CSK: variants seen among roughly 807,000 people sequenced by gnomAD.
CSK encodes the protein C-terminal Src kinase, also known as tyrosine-protein kinase CSK.
CSK carries 7 observed loss-of-function variants against 62.3 expected under a neutral mutation model. The observed-to-expected ratio is 0.11, with a 90% CI of 0.06 to 0.21. The LOEUF (loss-of-function observed/expected upper bound fraction) is 0.21, where lower values mean the gene tolerates loss of function less well. CSK is among the 10% of genes least tolerant of loss of function. The pLI is 1.00. For missense variants in CSK, 294 were observed against 613.5 expected, an observed-to-expected ratio of 0.48 and a Z score of 5.50; for synonymous variants, 237 against 246.0, an observed-to-expected ratio of 0.96 and a Z score of 0.34.
intron 1 of CSK, among the ~76,000 whole-genome samples, chr15:74,787,858 A>G (rs754380751): frequency 2.6e-5 from 4 of 152,196 alleles, no homozygotes; most frequent in Non-Finnish European, 5.9e-5. Flanking sequence ...CCTGGTCCTC[A>G]TGCAGACTCG....
intron 1 of CSK, among the ~76,000 whole-genome samples, chr15:74,786,055 T>C (rs2063517858): frequency 7.4e-6 from 1 of 135,704 alleles, no homozygotes; most frequent in Non-Finnish European, 1.6e-5. Flanking sequence ...GATGGAGTTT[T>C]GCTCTTGTTG....
chr15:74,788,965 C>T (rs2063570897), intron 1 of CSK, among the ~76,000 whole-genome samples: 1 of 152,152 alleles, frequency 6.6e-6, no homozygotes. Flanking sequence ...TAATTAGGCT[C>T]CTGAGCGGTA....
chr15:74,788,410 C>T (rs774987609), intron 1 of CSK: 5 of 152,384 alleles, frequency 3.3e-5, no homozygotes, highest in Admixed American at 6.5e-5. Context: ...ACTCTGAGCT[C>T]AAGTACCCAC....
rs367837559 is a variant in CSK at position 74,799,293 on chromosome 15, A to C, written c.264A>C (p.Thr88=). Residue 88 remains threonine (T), a synonymous_variant, in exon 5 of 13, where the codon ACA becomes ACC. Transcript: ENST00000220003. ...SLMPWFHGKI[T]REQAERLLYP... is the part of the protein sequence containing the mutation. The stretch of plus-strand genomic sequence containing the variant: ...CCAGTTGGTTCCACGGCAAGATCAC[A>C]CGGGAGCAGGCTGAGCGGCTTCTGT... The C allele has an allele frequency of 1.2e-4, 197 of 1,610,726 alleles. No individual in the cohort carries two copies. Among genetic ancestry groups the C allele is most frequent in the Admixed American group, 2.5e-4 (15 of 59,982 alleles).
chr15:74,789,044 A>T (rs2141788159), intron 1 of CSK, among the ~76,000 whole-genome samples: 1 of 152,316 alleles, frequency 6.6e-6, no homozygotes, highest in African/African-American at 2.4e-5. Context: ...TAGGCTCCCC[A>T]TTAGCCTGCT....
intron 1 of CSK, among the ~76,000 whole-genome samples, chr15:74,787,160 G>A (rs1350288387): frequency 6.6e-6 from 1 of 152,164 alleles, no homozygotes; most frequent in Non-Finnish European, 1.5e-5. Context: ...CCTCTCCTCT[G>A]GGTCCCTTCA....
rs200213518 is a variant in CSK, at chr15:74,801,593, G to A, written c.885G>A (p.Ser295=). 57 of 1,613,856 alleles carry A rather than the reference G, an allele frequency of 3.5e-5. No homozygotes were observed. In the Admixed American group the frequency reaches 8.2e-4, roughly 23 times the overall value. Residue 295 remains serine, a splice_region_variant and synonymous_variant, in exon 10 of 13, where the codon TCG becomes TCA. Transcript: ENST00000220003. ...VLGGDCLLKF[S]LDVCEAMEYL... is the part of the protein sequence containing the mutation. ...GCGGAGACTGTCTCCTCAAGTTCTC[G>A]CTGTGAGTGAAGCAGCCTCTTGGAT...
intron 1 of CSK, among the ~76,000 whole-genome samples, chr15:74,797,531 G>T (rs1429518513): frequency 1.3e-5 from 2 of 152,146 alleles, no homozygotes; most frequent in Non-Finnish European, 2.9e-5. Flanking sequence ...CTCAAAAAAA[G>T]AAAAGAAAAG....
intron 1 of CSK, among the ~76,000 whole-genome samples, chr15:74,784,894 G>A (rs1352031974): frequency 6.6e-6 from 1 of 152,190 alleles, no homozygotes; most frequent in African/African-American, 2.4e-5. Flanking sequence ...AGTAGGGACA[G>A]ATTCTCATAT....
intron 1 of CSK, among the ~76,000 whole-genome samples, chr15:74,784,085 G>A (rs1398327299): frequency 6.6e-6 from 1 of 152,244 alleles, no homozygotes; most frequent in African/African-American, 2.4e-5. Flanking sequence ...TGAGGTTGAG[G>A]CCTGGCAGGA....
intron 1 of CSK, among the ~76,000 whole-genome samples, chr15:74,791,602 C>G (rs185848857): frequency 1.1e-3 from 162 of 152,184 alleles, no homozygotes; most frequent in Non-Finnish European, 1.7e-3. Context: ...CCCCGACCAC[C>G]CCTTGATATA....
intron 1 of CSK, among the ~76,000 whole-genome samples, chr15:74,788,252 G>T (rs2063555338): frequency 6.6e-6 from 1 of 152,150 alleles, no homozygotes; most frequent in Non-Finnish European, 1.5e-5. Flanking sequence ...CAAGAAGTGG[G>T]CACAGAAGTA....
At chr15:74,797,223 G>C (rs544463781) in intron 1 of CSK, among the ~76,000 whole-genome samples, 1 of 152,200 alleles carries the variant, frequency 6.6e-6, no homozygotes, top group Non-Finnish European at 1.5e-5. Context: ...GAGATTACAG[G>C]TGTGAGCCAC....
chr15:74,800,020 C>G (rs2063764137), intron 5 of CSK, among the ~76,000 whole-genome samples: 2 of 152,182 alleles, frequency 1.3e-5, no homozygotes, highest in Admixed American at 1.3e-4. Context: ...AGGAAGCCTC[C>G]CGTGTCCCTC....
chr15:74,791,991 C>T (rs2063628567), intron 1 of CSK, among the ~76,000 whole-genome samples: 1 of 152,168 alleles, frequency 6.6e-6, no homozygotes. Context: ...TGTTCTGCTC[C>T]CCTGGCAACT....
At position 74,798,490 on chromosome 15, in the gene CSK, C is replaced by G. The variant is rs761615445; in HGVS notation, c.16-125C>G. 2.6e-5 allele frequency: 32 copies of G among 1,221,032 alleles called. No individual in the cohort carries two copies. The highest frequency in any genetic ancestry group is 3.5e-5 in the Non-Finnish European group (30 of 846,350). 75.6% of individuals were successfully genotyped at this position (1,221,032 alleles called of 1,614,324 possible). A position where few individuals can be genotyped will look rare whatever the true frequency, so the allele number is the denominator to read the frequency against. On this transcript the variant is annotated intron_variant, in intron 2 of 12. Coordinates refer to ENST00000220003, the MANE Select transcript of CSK (RefSeq NM_004383.3). This position sits in a 1 kb window ranked among gnomAD's most constrained non-coding sequence, Gnocchi z 6.6. ...AACAGGAAGGGACCCAGGGCTCGTT[C>G]TCCGGGCAGAGCACCTCACCCAGGC...
chr15:74,792,372 T>C (rs754624886), intron 1 of CSK, among the ~76,000 whole-genome samples: 80 of 152,198 alleles, frequency 5.3e-4, no homozygotes, highest in Non-Finnish European at 1.0e-3. Flanking sequence ...ACAGGTGTCC[T>C]GGCAACAGCA....
chr15:74,789,084 A>G (rs1049925864), intron 1 of CSK, among the ~76,000 whole-genome samples: 2 of 152,320 alleles, frequency 1.3e-5, no homozygotes, highest in Non-Finnish European at 2.9e-5. Flanking sequence ...CTCCCAAACC[A>G]CTAGACGGGA....
At chr15:74,800,161 C>T (rs2063766594) in intron 5 of CSK, among the ~76,000 whole-genome samples, 1 of 152,194 alleles carries the variant, frequency 6.6e-6, no homozygotes, top group Non-Finnish European at 1.5e-5. Flanking sequence ...CATCAGATAC[C>T]CATGGGGCCC....
Sources: gnomAD v4.1 joint callset for allele counts (sites outside exome capture counted in the v4.1 genomes callset) on GRCh38, gnomAD v4.1.1 for gene constraint, Gnocchi (gnomAD v3.1) non-coding constraint, MANE v1.5 for transcripts, NCBI Gene and HGNC (gene_info 2026-07-23, HGNC 2026-07-21) for gene names.